THSD7A: variants seen among roughly 807,000 people sequenced by gnomAD.
THSD7A encodes the protein thrombospondin type-1 domain-containing protein 7A.
A neutral mutation model predicts 231.3 loss-of-function variants in THSD7A; 96 were observed. The observed-to-expected ratio is 0.41, with a 90% confidence interval of 0.35 to 0.49. The LOEUF (loss-of-function observed/expected upper bound fraction) is 0.49, where lower values mean the gene tolerates loss of function less well. THSD7A is among the 20% of genes least tolerant of loss of function. The probability of loss-of-function intolerance (pLI) is 0.05; values close to 1 mark genes in which losing one functional copy is unlikely to be tolerated. For synonymous variants in THSD7A, 940 were observed against 743.3 expected (o/e 1.26, Z -4.30); for missense variants, 2,290 against 2,070.2 (o/e 1.11, Z -2.06).
chr7:11,658,591 A>G (rs1782796408), intron 1 of THSD7A, among the ~76,000 whole-genome samples: 1 of 151,686 alleles, frequency 6.6e-6, no homozygotes, highest in African/African-American at 2.4e-5. Flanking sequence ...ACTGCCCCTA[A>G]GATTTGAAAT....
At chr7:11,465,060 G>C (rs1785646078) in intron 9 of THSD7A, among the ~76,000 whole-genome samples, 1 of 152,076 alleles carries the variant, frequency 6.6e-6, no homozygotes, top group Non-Finnish European at 1.5e-5. Context: ...TTGTATTTAT[G>C]CTCATTTTAT....
chr7:11,780,146 A>G (rs1783577346), intron 1 of THSD7A, among the ~76,000 whole-genome samples: 1 of 152,210 alleles, frequency 6.6e-6, no homozygotes. Context: ...CAGAGAACAG[A>G]GACAGAAATC....
rs6149988 is a variant in THSD7A at position 11,796,033 on chromosome 7, CATATATATATATAT to C, written c.190+35710_190+35723del. ...GGTACTTCTTTGAAATTAAATTAGC[CATATATATATATAT>C]ATATATATATATATATATATATATA... On this transcript the variant is annotated intron_variant, in intron 1 of 27. Coordinates refer to ENST00000423059, the MANE Select transcript of THSD7A (RefSeq NM_015204.3). Among the ~76,000 whole-genome samples the C allele has an allele frequency of 6.5e-4, 70 of 107,494 alleles. 1 individual carries two copies. The highest frequency in any genetic ancestry group is 1.7e-3 in the African/African-American group (51 of 29,950). 70.5% of individuals were successfully genotyped at this position (107,494 alleles called of 152,430 possible).
chr7:11,794,517 T>G (rs1784059528), intron 1 of THSD7A, among the ~76,000 whole-genome samples: 1 of 152,110 alleles, frequency 6.6e-6, no homozygotes, highest in South Asian at 2.1e-4. Context: ...CTGCCTCTTT[T>G]GTATCAGGCA....
intron 1 of THSD7A, among the ~76,000 whole-genome samples, chr7:11,700,793 A>C (rs915927572): frequency 8.6e-5 from 13 of 151,158 alleles, no homozygotes; most frequent in African/African-American, 2.9e-4. Context: ...TCCTGTATTC[A>C]TGACCGCTCC....
chr7:11,385,036 T>A (rs1238834088), intron 23 of THSD7A: 1 of 151,902 alleles, frequency 6.6e-6, no homozygotes, highest in Non-Finnish European at 1.5e-5. Flanking sequence ...ATGATTTTGG[T>A]TGCATTTATT....
At chr7:11,813,496 G>A (rs1052634173) in intron 1 of THSD7A, among the ~76,000 whole-genome samples, 2 of 151,922 alleles carry the variant, frequency 1.3e-5, no homozygotes, top group African/African-American at 2.4e-5. Flanking sequence ...GGCGGATCAC[G>A]AGGTCAGGAG....
chr7:11,560,155 G>C (rs1790017621), intron 4 of THSD7A, among the ~76,000 whole-genome samples: 1 of 152,070 alleles, frequency 6.6e-6, no homozygotes, highest in Admixed American at 6.6e-5. Context: ...GAAAAAGCAA[G>C]CCGAAGAATA....
intron 6 of THSD7A, among the ~76,000 whole-genome samples, chr7:11,508,433 GA>G (rs926378955): frequency 5.3e-5 from 8 of 149,942 alleles, no homozygotes; most frequent in South Asian, 2.1e-4. Context: ...AACAAAAGGT[GA>G]AAAAAAAAGA....
intron 4 of THSD7A, among the ~76,000 whole-genome samples, chr7:11,574,777 C>A (rs1158001406): frequency 6.6e-6 from 1 of 152,100 alleles, no homozygotes; most frequent in Non-Finnish European, 1.5e-5. Flanking sequence ...GTTTTATTGT[C>A]ATTAAATATG....
chr7:11,741,941 C>T (rs1166537299), intron 1 of THSD7A, among the ~76,000 whole-genome samples: 1 of 151,880 alleles, frequency 6.6e-6, no homozygotes, highest in Non-Finnish European at 1.5e-5. Context: ...GTAGTGCTGA[C>T]ATGGTCACTT....
At chr7:11,546,195 G>GGCGCGTGTGTGCGCGCGCGC (rs1554335255) in intron 4 of THSD7A, among the ~76,000 whole-genome samples, 4 of 78,736 alleles carry the variant, frequency 5.1e-5, no homozygotes, top group African/African-American at 2.0e-4. Context: ...TGCTGGTGTG[G>GGCGCGTGTGTGCGCGCGCGC]GCGCGCGCTC....
chr7:11,565,885 T>C (rs1021359015), intron 4 of THSD7A, among the ~76,000 whole-genome samples: 1 of 152,214 alleles, frequency 6.6e-6, no homozygotes, highest in African/African-American at 2.4e-5. Flanking sequence ...GTTCCTGCAG[T>C]TGCCAACTGA....
intron 9 of THSD7A, among the ~76,000 whole-genome samples, chr7:11,466,759 G>A (rs1251950212): frequency 6.6e-6 from 1 of 152,098 alleles, no homozygotes; most frequent in Non-Finnish European, 1.5e-5. Context: ...TTCTAAGAGA[G>A]CCGATTCCCG....
chr7:11,805,076 A>G (rs1220072306), intron 1 of THSD7A, among the ~76,000 whole-genome samples: 5 of 152,100 alleles, frequency 3.3e-5, no homozygotes, highest in Non-Finnish European at 7.3e-5. Context: ...TTATGTCTAG[A>G]GTTGTCACCA....
intron 1 of THSD7A, among the ~76,000 whole-genome samples, chr7:11,738,252 G>A (rs1043087417): frequency 6.6e-6 from 1 of 151,932 alleles, no homozygotes; most frequent in Non-Finnish European, 1.5e-5. Context: ...AATCTAAAAT[G>A]CTCCAGTCAG....
intron 1 of THSD7A, among the ~76,000 whole-genome samples, chr7:11,780,073 T>C (rs921991666): frequency 1.3e-5 from 2 of 152,340 alleles, no homozygotes; most frequent in Admixed American, 6.5e-5. Flanking sequence ...GCAGATCTGA[T>C]GTCTGGTGAG....
intron 1 of THSD7A, among the ~76,000 whole-genome samples, chr7:11,817,389 A>G (rs1784738687): frequency 6.6e-6 from 1 of 152,222 alleles, no homozygotes; most frequent in South Asian, 2.1e-4. Flanking sequence ...AAGTAAAAAC[A>G]AAACACTGGG....
chr7:11,505,446 G>C (rs994670143), intron 6 of THSD7A, among the ~76,000 whole-genome samples: 1 of 144,594 alleles, frequency 6.9e-6, no homozygotes, highest in Non-Finnish European at 1.5e-5. Flanking sequence ...CCAGTGTAAA[G>C]TTTTTTTTTT....
Sources: gnomAD v4.1 joint callset for allele counts (sites outside exome capture counted in the v4.1 genomes callset) on GRCh38, gnomAD v4.1.1 for gene constraint, MANE v1.5 for transcripts, NCBI Gene and HGNC (gene_info 2026-07-23, HGNC 2026-07-21) for gene names.